Variants in DNAH9 observed in about 807,000 individuals in gnomAD.
The protein encoded by DNAH9 is dynein axonemal heavy chain 9, also known as DNAH9 variant protein.
In DNAH9, 345 loss-of-function variants were observed where a neutral mutation model predicts 471.6. That is an observed-to-expected ratio of 0.73 (90% confidence interval 0.67 to 0.80). DNAH9 has a LOEUF of 0.80. Among genes scored for constraint, DNAH9 ranks in the 30% least tolerant of loss-of-function variants. The probability of loss-of-function intolerance (pLI) is 0.00; values close to 1 mark genes in which losing one functional copy is unlikely to be tolerated. For missense variants in DNAH9, 5,407 were observed against 5,609.2 expected (o/e 0.96, Z 1.15); for synonymous variants, 2,093 against 2,123.6 (o/e 0.99, Z 0.40).
chr17:11,922,333 C>T (rs569918574), intron 61 of DNAH9, among the ~76,000 whole-genome samples: 2 of 152,124 alleles, frequency 1.3e-5, no homozygotes, highest in Admixed American at 6.5e-5. Context: ...ATTTCTTTTT[C>T]GATTTCTCCC....
rs772762955 is a variant in DNAH9 at position 11,932,044 on chromosome 17, G to C, written c.12136G>C (p.Glu4046Gln). ...TCTGGAGATGTGTTCTCGGGAGACG[G>C]AGTTTAAGAGCATCCTCTTTGCTCT... ...DTLEMCSRET[E>Q]FKSILFALCY... Residue 4046 changes from glutamate (E) to glutamine (Q), a missense_variant, in exon 64 of 69, where the codon GAG becomes CAG. Transcript: ENST00000262442. This position sits in a 1 kb window ranked among gnomAD's most constrained non-coding sequence, Gnocchi z 4.3. 12 of 1,614,176 alleles carry C rather than the reference G, an allele frequency of 7.4e-6. No homozygotes were observed. The highest frequency in any genetic ancestry group is 1.0e-5 in the Non-Finnish European group (12 of 1,180,030).
intron 61 of DNAH9, among the ~76,000 whole-genome samples, chr17:11,922,065 C>T (rs1974155444): frequency 6.6e-6 from 1 of 152,178 alleles, no homozygotes. Flanking sequence ...AAATGTTTTG[C>T]CAACTAAGAT....
intron 49 of DNAH9, among the ~76,000 whole-genome samples, chr17:11,850,352 G>C (rs1971372084): frequency 6.6e-6 from 1 of 152,162 alleles, no homozygotes; most frequent in South Asian, 2.1e-4. Context: ...TGCCTTCTGA[G>C]AAGTGTTTCT....
At chr17:11,864,632 T>C (rs1046051697) in intron 50 of DNAH9, among the ~76,000 whole-genome samples, 36 of 152,326 alleles carry the variant, frequency 2.4e-4, no homozygotes, top group Middle Eastern at 3.4e-3. Flanking sequence ...TGTTAAAGTC[T>C]CTCATTATTA....
intron 22 of DNAH9, among the ~76,000 whole-genome samples, chr17:11,697,986 T>TA (rs1210006702): frequency 2.7e-5 from 4 of 149,622 alleles, no homozygotes; most frequent in African/African-American, 9.8e-5. Flanking sequence ...ATTAAAGGTT[T>TA]AAAAAATGTT....
chr17:11,942,302 G>A lies in DNAH9; in HGVS notation c.12661-1G>A, dbSNP rs1020628978. On this transcript the variant is annotated splice_acceptor_variant, in intron 66 of 68. Transcript: ENST00000262442. LOFTEE classifies it high-confidence loss of function. ...ACGCTGTGTTTCCTTCTGTGGGGCA[G>A]GTCAAGGCACTTCTGGAAGAAATAT... 6.2e-7 allele frequency: 1 copy of A among 1,613,674 alleles called. No homozygotes were observed.
chr17:11,769,174 G>A lies in DNAH9; in HGVS notation c.7397G>A (p.Arg2466Gln), dbSNP rs369452716. 25 of 1,614,112 alleles carry A rather than the reference G, an allele frequency of 1.5e-5. No homozygotes were observed. The highest frequency in any genetic ancestry group is 1.1e-4 in the African/African-American group (8 of 74,940). Residue 2466 changes from arginine to glutamine, a missense_variant, in exon 38 of 69, where the codon CGG becomes CAG. Around this residue, in one of 3 missense-constraint regions of DNAH9, gnomAD observed 4,636 missense variants for 4,900.3 expected, o/e 0.95. Transcript: ENST00000262442. ...ETIRVCYFME[R>Q]LMARQRPVML... ...ATCCGTGTGTGCTACTTCATGGAGC[G>A]GTTGATGGCGCGGCAGCGGCCTGTC...
At chr17:11,867,464 GTT>G (rs36026830) in intron 50 of DNAH9, among the ~76,000 whole-genome samples, 1 of 151,530 alleles carries the variant, frequency 6.6e-6, no homozygotes. Context: ...TTCCACAAGA[GTT>G]TTTTTTTGTT....
intron 35 of DNAH9, among the ~76,000 whole-genome samples, chr17:11,761,977 TG>T (rs1368041089): frequency 6.6e-6 from 1 of 152,134 alleles, no homozygotes; most frequent in Non-Finnish European, 1.5e-5. Context: ...GAAGGGCAGT[TG>T]GCACCTATCC....
intron 12 of DNAH9, 125 bp from the exon 13 acceptor site, chr17:11,650,944 G>C: frequency 5.1e-6 from 5 of 975,388 alleles, no homozygotes; most frequent in Non-Finnish European, 7.7e-6. Context: ...AAACTGATAG[G>C]AGCAGAACTT....
rs2072303902 is a variant in DNAH9, at chr17:11,598,471, A to T, written c.-28A>T. On this transcript the variant is annotated 5_prime_UTR_variant, in exon 1 of 69. Transcript: ENST00000262442. ...CCTGGCCGCGTCCCCGTCGCTAGGG[A>T]AACCGATGCAGCTGGAGGCCGCGCG... 1.5e-6 allele frequency: 2 copies of T among 1,345,820 alleles called. No individual in the cohort carries two copies. Among genetic ancestry groups the T allele is most frequent in the Admixed American group, 4.1e-5 (1 of 24,664 alleles). The allele number at this position is 1,345,820 out of a possible 1,614,324, so 83.4% of individuals were successfully genotyped here. A position where few individuals can be genotyped will look rare whatever the true frequency, so the allele number is the denominator to read the frequency against.
At chr17:11,705,700 G>T (rs1445377484) in intron 26 of DNAH9, among the ~76,000 whole-genome samples, 1 of 152,116 alleles carries the variant, frequency 6.6e-6, no homozygotes, top group African/African-American at 2.4e-5. Context: ...ACAGTGTATT[G>T]TATATTTCAT....
chr17:11,676,678 T>A (rs1176368076), intron 17 of DNAH9, among the ~76,000 whole-genome samples: 1 of 152,154 alleles, frequency 6.6e-6, no homozygotes, highest in African/African-American at 2.4e-5. Flanking sequence ...TTATTATGGT[T>A]TTATTTTTAT....
In DNAH9 at chr17:11,714,974, C is replaced by T. The variant is rs150382205; in HGVS notation, c.5553-4360C>T. ...GCCTTGTGAGACCCTCAGCAGAGAACGCACCTGGACTTCTGGCCCACAGAA... is the reference window on the plus strand; with the variant it reads ...GCCTTGTGAGACCCTCAGCAGAGAATGCACCTGGACTTCTGGCCCACAGAA... On this transcript the variant is annotated intron_variant, in intron 26 of 68. Transcript: ENST00000262442. Among the ~76,000 whole-genome samples, 578 of 152,278 alleles carry T rather than the reference C, an allele frequency of 3.8e-3. 3 individuals are homozygous for T. Among genetic ancestry groups the T allele is most frequent in the African/African-American group, 0.013 (539 of 41,568 alleles).
At chr17:11,807,971 T>G in intron 44 of DNAH9, 77 bp downstream of exon 44, 1 of 1,472,828 alleles carries the variant, frequency 6.8e-7, no homozygotes, top group Non-Finnish European at 9.2e-7. Flanking sequence ...CTTCACTCGT[T>G]CTCCAGTTCC....
chr17:11,763,308 G>C (rs1350313198), intron 35 of DNAH9, 132 bp from the exon 36 acceptor site: 12 of 762,552 alleles, frequency 1.6e-5, no homozygotes, highest in Non-Finnish European at 2.0e-5. Context: ...GTGGCGCTCT[G>C]GTTGTCTGTA....
chr17:11,725,126 C>T (rs566423853), intron 27 of DNAH9, among the ~76,000 whole-genome samples: 1 of 152,194 alleles, frequency 6.6e-6, no homozygotes, highest in South Asian at 2.1e-4. Context: ...GCTGTCAATA[C>T]AGATGAAGCT....
intron 43 of DNAH9, among the ~76,000 whole-genome samples, chr17:11,803,379 G>GT (rs1555598948): frequency 3.3e-5 from 5 of 150,444 alleles, no homozygotes; most frequent in Non-Finnish European, 7.4e-5. Context: ...ATTCTCTAGG[G>GT]GTGTGTGTGT....
intron 49 of DNAH9, among the ~76,000 whole-genome samples, chr17:11,839,377 A>G (rs988829824): frequency 3.3e-5 from 5 of 151,988 alleles, no homozygotes; most frequent in Non-Finnish European, 7.4e-5. Flanking sequence ...TTAGCCGGGC[A>G]CGGTGGCAGG....
Sources: gnomAD v4.1 joint callset for allele counts (sites outside exome capture counted in the v4.1 genomes callset) on GRCh38, gnomAD v4.1.1 for gene constraint, gnomAD v4.1.1 regional missense constraint, Gnocchi (gnomAD v3.1) non-coding constraint, MANE v1.5 for transcripts, NCBI Gene and HGNC (gene_info 2026-07-23, HGNC 2026-07-21) for gene names.